Variants in ZFAND3 observed in about 807,000 individuals in gnomAD.
ZFAND3 encodes the protein AN1-type zinc finger protein 3.
ZFAND3 carries 10 observed loss-of-function variants against 29.6 expected under a neutral mutation model. The ratio of observed to expected loss-of-function variants is 0.34; its 90% CI spans 0.21 to 0.57. ZFAND3 has a LOEUF of 0.57. ZFAND3 is among the 20% of genes least tolerant of loss of function. The pLI, the probability that ZFAND3 is intolerant of heterozygous loss-of-function variation, is 0.86. For synonymous variants in ZFAND3, 128 were observed against 112.6 expected, an observed-to-expected ratio of 1.14 and a Z score of -0.87; for missense variants, 230 against 304.5, an observed-to-expected ratio of 0.76 and a Z score of 1.82.
At chr6:38,065,789 A>G (rs1295349722) in intron 3 of ZFAND3, among the ~76,000 whole-genome samples, 2 of 152,232 alleles carry the variant, frequency 1.3e-5, no homozygotes, top group African/African-American at 4.8e-5. Context: ...GTAAACTGAC[A>G]AAGAGGCACT....
At chr6:38,010,529 T>G (rs183730494) in intron 2 of ZFAND3, among the ~76,000 whole-genome samples, 2 of 152,162 alleles carry the variant, frequency 1.3e-5, no homozygotes, top group African/African-American at 2.4e-5. Context: ...GTTAAGTCTT[T>G]TCATGCCCTG....
intron 1 of ZFAND3, among the ~76,000 whole-genome samples, chr6:37,834,684 T>A (rs1213885468): frequency 6.7e-6 from 1 of 149,526 alleles, no homozygotes; most frequent in Non-Finnish European, 1.5e-5. Context: ...TGACACTATA[T>A]GATACATATG....
At chr6:37,834,233 T>C (rs1487653930) in intron 1 of ZFAND3, among the ~76,000 whole-genome samples, 2 of 152,248 alleles carry the variant, frequency 1.3e-5, no homozygotes, top group Non-Finnish European at 2.9e-5. Context: ...TTTCCAAAAT[T>C]TCATATTGTT....
At chr6:37,978,402 T>G (rs1382176989) in intron 2 of ZFAND3, among the ~76,000 whole-genome samples, 1 of 152,204 alleles carries the variant, frequency 6.6e-6, no homozygotes, top group Non-Finnish European at 1.5e-5. Flanking sequence ...TATCTTGTAA[T>G]GTCTTTGTCT....
chr6:37,885,452 T>G (rs1340166542), intron 1 of ZFAND3, among the ~76,000 whole-genome samples: 2 of 152,160 alleles, frequency 1.3e-5, no homozygotes, highest in African/African-American at 2.4e-5. Flanking sequence ...GAGACCAGCC[T>G]GGCCAACATG....
At chr6:37,964,154 C>T (rs1361650690) in intron 2 of ZFAND3, among the ~76,000 whole-genome samples, 1 of 152,158 alleles carries the variant, frequency 6.6e-6, no homozygotes, top group Non-Finnish European at 1.5e-5. Flanking sequence ...TTCCTCAAGA[C>T]TTCTGGACTA....
At chr6:37,843,083 C>G (rs1310286169) in intron 1 of ZFAND3, among the ~76,000 whole-genome samples, 2 of 148,562 alleles carry the variant, frequency 1.3e-5, no homozygotes, top group Non-Finnish European at 3.0e-5. Flanking sequence ...GATTGTGCCA[C>G]TGCACTCCAG....
At chr6:37,977,869 T>TTCCTTCCTTCCTTCCTTCCTTCCG (rs374121487) in intron 2 of ZFAND3, among the ~76,000 whole-genome samples, 1 of 94,718 alleles carries the variant, frequency 1.1e-5, no homozygotes, top group Admixed American at 1.1e-4. Context: ...CCTTCCTTCC[T>TTCCTTCCTTCCTTCCTTCCTTCCG]TTCCTTCTTC....
chr6:38,045,732 T>G (rs1763890690), intron 2 of ZFAND3, among the ~76,000 whole-genome samples: 1 of 152,164 alleles, frequency 6.6e-6, no homozygotes, highest in Non-Finnish European at 1.5e-5. Context: ...ATTACAATAG[T>G]TTTCTTTTTA....
At chr6:37,976,680 G>A (rs916273971) in intron 2 of ZFAND3, among the ~76,000 whole-genome samples, 1 of 151,914 alleles carries the variant, frequency 6.6e-6, no homozygotes, top group Admixed American at 6.6e-5. Context: ...GAACAGGGAG[G>A]CCTCAGGAAA....
chr6:38,143,324 G>C (rs953038119), intron 5 of ZFAND3: 1 of 152,256 alleles, frequency 6.6e-6, no homozygotes, highest in African/African-American at 2.4e-5. Flanking sequence ...GGGGAGCTTC[G>C]TTAGCTGGAC....
intron 2 of ZFAND3, among the ~76,000 whole-genome samples, chr6:38,057,920 T>C (rs1476246209): frequency 1.3e-5 from 2 of 152,216 alleles, no homozygotes; most frequent in African/African-American, 4.8e-5. Flanking sequence ...GTTTGTATGT[T>C]AGCCAAATGA....
At chr6:38,109,533 A>G (rs1045354415) in intron 4 of ZFAND3, among the ~76,000 whole-genome samples, 2 of 151,888 alleles carry the variant, frequency 1.3e-5, no homozygotes, top group African/African-American at 2.4e-5. Context: ...CTGTTCCCCC[A>G]TGGCCCATTA....
chr6:38,132,295 G>A lies in ZFAND3; in HGVS notation c.529+15556G>A, dbSNP rs539707336. Reference sequence around the variant, plus strand: ...GAGAGCCAAGGTGGGAGGATCGCTTGAAGCCAGGAGTTCAAGACCAGCCTG... The same window carrying A: ...GAGAGCCAAGGTGGGAGGATCGCTTAAAGCCAGGAGTTCAAGACCAGCCTG... On this transcript the variant is annotated intron_variant, in intron 5 of 5. Transcript: ENST00000287218. Among the ~76,000 whole-genome samples, 3 of 152,292 alleles carry A rather than the reference G, an allele frequency of 2.0e-5. No individual in the cohort carries two copies. In the South Asian group the frequency reaches 6.2e-4, roughly 32 times the overall value.
intron 1 of ZFAND3, among the ~76,000 whole-genome samples, chr6:37,843,630 C>T (rs1433514946): frequency 6.6e-6 from 1 of 152,076 alleles, no homozygotes; most frequent in African/African-American, 2.4e-5. Flanking sequence ...CCACATTATT[C>T]CTGTTTAGAG....
intron 1 of ZFAND3, among the ~76,000 whole-genome samples, chr6:37,827,879 G>A (rs774219974): frequency 8.5e-5 from 13 of 152,238 alleles, no homozygotes; most frequent in Non-Finnish European, 1.6e-4. Context: ...GGCCTTGGAT[G>A]GAAGAGGAGG....
intron 2 of ZFAND3, among the ~76,000 whole-genome samples, chr6:38,039,350 G>A (rs1041866393): frequency 6.6e-6 from 1 of 152,144 alleles, no homozygotes; most frequent in Non-Finnish European, 1.5e-5. Flanking sequence ...ATTGTTCATA[G>A]CCAGCTTTAA....
At chr6:38,091,475 T>A (rs1764868428) in intron 4 of ZFAND3, among the ~76,000 whole-genome samples, 1 of 4,040 alleles carries the variant, frequency 2.5e-4, no homozygotes, top group Non-Finnish European at 9.0e-4. Context: ...ACTTTAGGAT[T>A]TTTTTTTTTT....
At chr6:37,919,956 C>T (rs1256735829) in intron 1 of ZFAND3, among the ~76,000 whole-genome samples, 1 of 150,980 alleles carries the variant, frequency 6.6e-6, no homozygotes, top group Non-Finnish European at 1.5e-5. Context: ...GACTGGGACT[C>T]TACATTCCTC....
Sources: gnomAD v4.1 joint callset for allele counts (sites outside exome capture counted in the v4.1 genomes callset) on GRCh38, gnomAD v4.1.1 for gene constraint, MANE v1.5 for transcripts, NCBI Gene and HGNC (gene_info 2026-07-23, HGNC 2026-07-21) for gene names.